Variants in FAR1 observed in about 807,000 individuals in gnomAD.
FAR1 encodes male sterility domain-containing protein 2.
A neutral mutation model predicts 61.1 loss-of-function variants in FAR1; 22 were observed. The ratio of observed to expected loss-of-function variants is 0.36; its 90% confidence interval spans 0.26 to 0.51. The LOEUF is 0.51. Ranked by LOEUF, FAR1 falls within the 20% of genes least tolerant of loss-of-function variation. The probability of loss-of-function intolerance (pLI) is 0.95; values close to 1 mark genes in which losing one functional copy is unlikely to be tolerated. For missense variants in FAR1, 359 were observed against 626.9 expected (o/e 0.57, Z 4.56); for synonymous variants, 206 against 209.7 (o/e 0.98, Z 0.15).
intron 8 of FAR1, among the ~76,000 whole-genome samples, chr11:13,714,196 G>A (rs908229282): frequency 3.3e-5 from 5 of 152,070 alleles, no homozygotes; most frequent in South Asian, 2.1e-4. Flanking sequence ...AGAAGCTATC[G>A]TGAGAGGTGA....
At position 13,718,359 on chromosome 11, in the gene FAR1, A is replaced by G. The variant is rs139385875; in HGVS notation, c.1128-3371A>G. On this transcript the variant is annotated intron_variant, in intron 9 of 11. Transcript: ENST00000354817. ...TGTCCTCTTTTGCCCTCTTTCAGCA[A>G]ATTTCTGCTAGATCATTGAGTTTAT... is the stretch of plus-strand genomic sequence containing the variant. Among the ~76,000 whole-genome samples the G allele has an allele frequency of 6.6e-5, 10 of 152,298 alleles. No individual in the cohort carries two copies. The East Asian group carries it at 1.3e-3, about 21-fold the overall frequency.
chr11:13,720,358 A>G (rs1848597455), intron 9 of FAR1: 1 of 152,158 alleles, frequency 6.6e-6, no homozygotes, highest in Non-Finnish European at 1.5e-5. Context: ...AACTTGTTGT[A>G]TCTTTTTGTT....
Position 13,710,659 on chromosome 11 carries a change from C to G in FAR1, c.546-34C>G, listed in dbSNP as rs529502099. ...AGCTTTTTATTTTATAGTAAAATAT[C>G]TGGAAATATATTTGTATGCAATTTC... On this transcript the variant is annotated intron_variant, in intron 4 of 11. Transcript: ENST00000354817. 5.9e-6 allele frequency: 9 copies of G among 1,515,610 alleles called. No homozygotes were observed. The Admixed American group carries it at 1.9e-4, about 32-fold the overall frequency. 93.9% of individuals were successfully genotyped at this position (1,515,610 alleles called of 1,614,324 possible).
At chr11:13,693,910 G>A (rs963243830) in intron 1 of FAR1, among the ~76,000 whole-genome samples, 1 of 151,968 alleles carries the variant, frequency 6.6e-6, no homozygotes, top group Non-Finnish European at 1.5e-5. Flanking sequence ...CTACTCCCCA[G>A]CTTAAATAAA....
Position 13,731,038 on chromosome 11 carries a change from T to C in FAR1, c.*2264T>C, listed in dbSNP as rs1316270851. 6.6e-6 allele frequency: 1 copy of C among 152,202 alleles called. No individual in the cohort carries two copies. Among genetic ancestry groups the C allele is most frequent in the African/African-American group, 2.4e-5 (1 of 41,464 alleles). 9.4% of individuals were successfully genotyped at this position (152,202 alleles called of 1,614,324 possible). The stretch of plus-strand genomic sequence containing the variant: ...TGATTATATTTCCTACACAAACTTC[T>C]TATTTAACAGGATAGCCTACTAAAT... On this transcript the variant is annotated 3_prime_UTR_variant, in exon 12 of 12. Coordinates refer to ENST00000354817, the MANE Select transcript of FAR1 (RefSeq NM_032228.6).
rs1848176548 is a variant in FAR1, at chr11:13,685,534, T to C, written c.-7-9225T>C. 3.7e-5 allele frequency: 8 copies of C among 217,534 alleles called. No individual in the cohort carries two copies. The South Asian group carries it at 6.3e-4, about 17-fold the overall frequency. The allele number at this position is 217,534 out of a possible 1,614,324, so 13.5% of individuals were successfully genotyped here. On this transcript the variant is annotated intron_variant, in intron 1 of 11. Coordinates refer to ENST00000354817, the MANE Select transcript of FAR1 (RefSeq NM_032228.6). ...AGTCTGGTTCTTCTCCAGTGTTTCC[T>C]TTTGGAGTTGTACCTGATTTTATTA...
At chr11:13,706,081 T>A (rs1052718569) in intron 3 of FAR1, among the ~76,000 whole-genome samples, 43 of 152,046 alleles carry the variant, frequency 2.8e-4, no homozygotes, top group African/African-American at 1.0e-3. Context: ...AAACTTTTTT[T>A]AAAAAATTTC....
chr11:13,702,192 TATG>T (rs1848383864), intron 3 of FAR1, among the ~76,000 whole-genome samples: 2 of 152,144 alleles, frequency 1.3e-5, no homozygotes, highest in Admixed American at 1.3e-4. Flanking sequence ...AGGACTATAA[TATG>T]ATCTTATTTT....
intron 1 of FAR1, among the ~76,000 whole-genome samples, chr11:13,674,199 C>T (rs1848040527): frequency 6.6e-6 from 1 of 151,558 alleles, no homozygotes; most frequent in African/African-American, 2.4e-5. Flanking sequence ...GTCCCAGCTA[C>T]TCGGGAGGCT....
chr11:13,728,658 ATCTGGCGCATT>A lies in FAR1; in HGVS notation c.1434_1444del (p.Trp479TyrfsTer16), dbSNP rs762020318. ...TTTTAATACTATCCTTGTGATCCTC[ATCTGGCGCATT>A]TTTATTGCAAGATCACAAATGGCAA... On this transcript the variant is annotated frameshift_variant, in exon 12 of 12. Transcript: ENST00000354817. LOFTEE classifies it high-confidence loss of function. The A allele has an allele frequency of 6.2e-7, 1 of 1,612,138 alleles. No homozygotes were observed. The highest frequency in any genetic ancestry group is 1.3e-5 in the African/African-American group (1 of 74,814).
At chr11:13,702,463 A>G (rs1848387185) in intron 3 of FAR1, among the ~76,000 whole-genome samples, 1 of 152,158 alleles carries the variant, frequency 6.6e-6, no homozygotes, top group Non-Finnish European at 1.5e-5. Context: ...TATTTTTTAC[A>G]TTTAAAATTT....
At chr11:13,690,616 C>T (rs1203590092) in intron 1 of FAR1, among the ~76,000 whole-genome samples, 1 of 152,144 alleles carries the variant, frequency 6.6e-6, no homozygotes, top group East Asian at 1.9e-4. Context: ...CTCTTCTTGT[C>T]CCAATACCAC....
rs1481601045 is a variant in FAR1 at position 13,714,547 on chromosome 11, G to A, written c.994G>A (p.Glu332Lys). Residue 332 changes from glutamate (E) to lysine (K), a missense_variant, in exon 9 of 12, where the codon GAA becomes AAA. Coordinates refer to ENST00000354817, the MANE Select transcript of FAR1 (RefSeq NM_032228.6). ...VISTFKRNPL[E>K]QAFRRPNVNL... ...TTCCACTTTCAAGAGGAATCCTCTC[G>A]AACAGGCCTTCAGACGGCCCAATGT... 6 of 1,611,848 alleles carry A rather than the reference G, an allele frequency of 3.7e-6. No homozygotes were observed. The highest frequency in any genetic ancestry group is 1.7e-5 in the Admixed American group (1 of 59,772).
At chr11:13,692,033 T>A (rs1848255996) in intron 1 of FAR1, among the ~76,000 whole-genome samples, 1 of 152,072 alleles carries the variant, frequency 6.6e-6, no homozygotes, top group Non-Finnish European at 1.5e-5. Flanking sequence ...CTGGGCGTGG[T>A]GGCGGGCACC....
rs1260556533 is a variant in FAR1 at position 13,721,038 on chromosome 11, T to C, written c.1128-692T>C. The C allele has an allele frequency of 6.6e-6, 1 of 152,126 alleles. No individual in the cohort carries two copies. Among genetic ancestry groups the C allele is most frequent in the African/African-American group, 2.4e-5 (1 of 41,454 alleles). 9.4% of individuals were successfully genotyped at this position (152,126 alleles called of 1,614,324 possible). On this transcript the variant is annotated intron_variant, in intron 9 of 11. Transcript: ENST00000354817. This position sits in a 1 kb window ranked among gnomAD's most constrained non-coding sequence, Gnocchi z 4.2. Reference sequence around the variant, plus strand: ...CACAGTCTTTCTTTAAAGACACACTTTAAAAAGAGTGTCACACTCCTTTAT... The same window carrying C: ...CACAGTCTTTCTTTAAAGACACACTCTAAAAAGAGTGTCACACTCCTTTAT...
chr11:13,708,480 CAT>C (rs1565348245), intron 4 of FAR1, among the ~76,000 whole-genome samples: 28 of 124,716 alleles, frequency 2.2e-4, no homozygotes, highest in African/African-American at 6.1e-4. Flanking sequence ...CACACACATA[CAT>C]TTATCTCTTT....
intron 2 of FAR1, 118 bp downstream of exon 2, chr11:13,695,072 C>CA (rs768003518): frequency 1.2e-6 from 1 of 800,490 alleles, no homozygotes; most frequent in East Asian, 3.0e-5. Context: ...ATTAGTAAAA[C>CA]AAAAAAACTT....
At chr11:13,724,919 A>G (rs1428837757) in intron 10 of FAR1, among the ~76,000 whole-genome samples, 1 of 152,098 alleles carries the variant, frequency 6.6e-6, no homozygotes, top group African/African-American at 2.4e-5. Context: ...TATCTTTACA[A>G]ATTACCCATT....
chr11:13,695,259 T>C (rs192515589), intron 2 of FAR1, among the ~76,000 whole-genome samples: 12 of 152,258 alleles, frequency 7.9e-5, no homozygotes, highest in Non-Finnish European at 4.4e-5. Flanking sequence ...CTAAATAATT[T>C]AAATAGCCTT....
Sources: allele counts gnomAD v4.1 joint callset (sites outside exome capture counted in the v4.1 genomes callset), GRCh38; gene constraint gnomAD v4.1.1; non-coding constraint Gnocchi (gnomAD v3.1); transcripts MANE v1.5; gene names NCBI Gene and HGNC (gene_info 2026-07-23, HGNC 2026-07-21).